The following PCDHA8 variants were observed in gnomAD, a reference collection of about 807,000 sequenced individuals.
PCDHA8 encodes protocadherin alpha 8.
PCDHA8 carries 53 observed loss-of-function variants against 61.8 expected under a neutral mutation model. The observed-to-expected ratio is 0.86, with a 90% confidence interval of 0.69 to 1.08. PCDHA8 has a LOEUF of 1.08. Among genes scored for constraint, PCDHA8 ranks in the 50% least tolerant of loss-of-function variants. PCDHA8 has a pLI of 0.00. For synonymous variants in PCDHA8, 618 were observed against 556.6 expected (o/e 1.11, Z -1.55); for missense variants, 1,293 against 1,245.0 (o/e 1.04, Z -0.58).
chr5:140,909,771 C>T (rs907087409), intron 1 of PCDHA8, among the ~76,000 whole-genome samples: 49 of 152,200 alleles, frequency 3.2e-4, no homozygotes, highest in African/African-American at 1.1e-3. Flanking sequence ...TCCAGGGACC[C>T]ACTGGACCCA....
chr5:140,882,263 T>G (rs1554173290), intron 1 of PCDHA8: 3 of 1,604,900 alleles, frequency 1.9e-6, no homozygotes. Context: ...GTTTTTGGAG[T>G]GTACCATGCT....
At chr5:140,893,655 T>G (rs894439477) in intron 1 of PCDHA8, among the ~76,000 whole-genome samples, 1 of 152,200 alleles carries the variant, frequency 6.6e-6, no homozygotes, top group Non-Finnish European at 1.5e-5. Flanking sequence ...GCTGATAGTT[T>G]TAAAAAATTT....
chr5:140,976,287 AAGCCTGTAATCCC>A (rs1253731489), intron 1 of PCDHA8, among the ~76,000 whole-genome samples: 3 of 152,196 alleles, frequency 2.0e-5, no homozygotes, highest in Admixed American at 6.5e-5. Flanking sequence ...ACAGTGGCTC[AAGCCTGTAATCCC>A]AGCACTTTGG....
chr5:141,001,492 T>A (rs1190860523), intron 3 of PCDHA8, among the ~76,000 whole-genome samples: 1 of 152,236 alleles, frequency 6.6e-6, no homozygotes, highest in African/African-American at 2.4e-5. Context: ...CTGGAAATGC[T>A]AGCCCAGGTG....
chr5:140,877,193 G>T, intron 1 of PCDHA8: 1 of 1,613,832 alleles, frequency 6.2e-7, no homozygotes, highest in Non-Finnish European at 8.5e-7. Flanking sequence ...GGCAGCGCAG[G>T]AGGCGCAGTT....
In PCDHA8 at chr5:140,856,566, C is replaced by T. The variant is rs2044089469; in HGVS notation, c.2394+12851C>T. On this transcript the variant is annotated intron_variant, in intron 1 of 3. Transcript: ENST00000531613. ...GCATTGCTTACTTACAAACTCAGTC[C>T]AAATGAGTATTTTGTTCTTGATATT... is the stretch of plus-strand genomic sequence containing the variant. 2.5e-6 allele frequency: 4 copies of T among 1,597,124 alleles called. 1 individual carries two copies. Among genetic ancestry groups the T allele is most frequent in the Non-Finnish European group, 3.4e-6 (4 of 1,166,856 alleles).
At chr5:140,850,239 C>T (rs1275916187) in intron 1 of PCDHA8, 1 of 1,594,010 alleles carries the variant, frequency 6.3e-7, no homozygotes, top group Admixed American at 1.7e-5. Context: ...CGAGATGGTG[C>T]TGCGGTCGGT....
At chr5:140,990,114 A>G (rs1392233617) in intron 3 of PCDHA8, among the ~76,000 whole-genome samples, 9 of 151,936 alleles carry the variant, frequency 5.9e-5, no homozygotes, top group Admixed American at 4.6e-4. Flanking sequence ...GGAAATTGAG[A>G]GCTCTGTAGA....
intron 1 of PCDHA8, chr5:140,856,366 G>A (rs1388631411): frequency 1.3e-6 from 2 of 1,598,482 alleles, no homozygotes; most frequent in Admixed American, 1.7e-5. Context: ...TCCACCTGGA[G>A]GTGATCGTGG....
chr5:140,914,159 G>A (rs1193212496), intron 1 of PCDHA8, among the ~76,000 whole-genome samples: 3 of 152,088 alleles, frequency 2.0e-5, no homozygotes, highest in African/African-American at 4.8e-5. Flanking sequence ...TGTCCAATAC[G>A]GAAAGTGGGG....
chr5:140,994,149 G>A (rs1299780463), intron 3 of PCDHA8, among the ~76,000 whole-genome samples: 2 of 152,174 alleles, frequency 1.3e-5, no homozygotes, highest in Non-Finnish European at 2.9e-5. Context: ...TACGTAGGTA[G>A]GGTCAACGAA....
chr5:140,971,778 G>T (rs1346530602), intron 1 of PCDHA8, among the ~76,000 whole-genome samples: 1 of 151,860 alleles, frequency 6.6e-6, no homozygotes, highest in Admixed American at 6.6e-5. Flanking sequence ...TATTATTCAA[G>T]ATTATTCAAT....
At chr5:140,862,490 G>A (rs1554156448) in intron 1 of PCDHA8, 5 of 385,338 alleles carry the variant, frequency 1.3e-5, no homozygotes, top group Non-Finnish European at 2.1e-5. Context: ...GTTGGTAATC[G>A]CTCGGAATGG....
chr5:140,938,899 A>C (rs1175857132), intron 1 of PCDHA8, among the ~76,000 whole-genome samples: 1 of 151,886 alleles, frequency 6.6e-6, no homozygotes, highest in Non-Finnish European at 1.5e-5. Flanking sequence ...ACAGATGCGC[A>C]CACACACACA....
At position 140,877,908 on chromosome 5, in the gene PCDHA8, T is replaced by C; in HGVS notation, c.2394+34193T>C. On this transcript the variant is annotated intron_variant, in intron 1 of 3. Coordinates refer to ENST00000531613, the MANE Select transcript of PCDHA8 (RefSeq NM_018911.3). The stretch of plus-strand genomic sequence containing the variant: ...ACTTCCGTTTAGGTTATAACTACAT[T>C]CTCTCATTTTTCTTTATGATTCTAT... 3 of 1,433,546 alleles carry C rather than the reference T, an allele frequency of 2.1e-6. No homozygotes were observed. The South Asian group carries it at 4.7e-5, about 22-fold the overall frequency. 88.8% of individuals were successfully genotyped at this position (1,433,546 alleles called of 1,614,324 possible).
At chr5:140,957,339 TGAGA>T (rs2095352193) in intron 1 of PCDHA8, among the ~76,000 whole-genome samples, 1 of 152,152 alleles carries the variant, frequency 6.6e-6, no homozygotes, top group African/African-American at 2.4e-5. Context: ...TAAGATATTT[TGAGA>T]GAGAGACCAC....
rs1294664970 is a variant in PCDHA8, at chr5:140,858,562, T to C, written c.2394+14847T>C. On this transcript the variant is annotated intron_variant, in intron 1 of 3. Transcript: ENST00000531613. Reference sequence around the variant, plus strand: ...CATTCCATTTATGCTTGAATATTTCTAGTGATACCTTTGTAATATAATTTA... The same window carrying C: ...CATTCCATTTATGCTTGAATATTTCCAGTGATACCTTTGTAATATAATTTA... 46 of 1,371,718 alleles carry C rather than the reference T, an allele frequency of 3.4e-5. 2 individuals carry two copies. Among genetic ancestry groups the C allele is most frequent in the Non-Finnish European group, 4.5e-5 (45 of 990,734 alleles). 85.0% of individuals were successfully genotyped at this position (1,371,718 alleles called of 1,614,324 possible).
At chr5:140,981,537 G>C (rs375537131) in intron 2 of PCDHA8, among the ~76,000 whole-genome samples, 2 of 152,290 alleles carry the variant, frequency 1.3e-5, no homozygotes, top group East Asian at 3.9e-4. Context: ...TCGTGCCACT[G>C]TACTCCAGCC....
At chr5:140,928,998 C>T (rs1448389331) in intron 1 of PCDHA8, 5 of 1,613,784 alleles carry the variant, frequency 3.1e-6, no homozygotes, top group Non-Finnish European at 4.2e-6. Flanking sequence ...TACTTTTCTT[C>T]GTGTGTACCA....
Sources: allele counts gnomAD v4.1 joint callset (sites outside exome capture counted in the v4.1 genomes callset), GRCh38; gene constraint gnomAD v4.1.1; transcripts MANE v1.5; gene names NCBI Gene and HGNC (gene_info 2026-07-23, HGNC 2026-07-21).